GABRR2: variants seen among roughly 807,000 people sequenced by gnomAD.
The protein encoded by GABRR2 is gamma-aminobutyric acid type A receptor subunit rho2, also known as gamma-aminobutyric acid receptor subunit rho-2.
A neutral mutation model predicts 47.0 loss-of-function variants in GABRR2; 36 were observed. The ratio of observed to expected loss-of-function variants is 0.77; its 90% CI spans 0.59 to 1.01. GABRR2 has a LOEUF of 1.01. Ranked by LOEUF, GABRR2 falls within the 50% of genes least tolerant of loss-of-function variation. The pLI is 0.00. For synonymous variants in GABRR2, 204 were observed against 227.5 expected, an observed-to-expected ratio of 0.90 and a Z score of 0.93; for missense variants, 587 against 594.6, an observed-to-expected ratio of 0.99 and a Z score of 0.13.
chr6:89,301,964 C>A, intron 1 of GABRR2: 1 of 867,878 alleles, frequency 1.2e-6, no homozygotes, highest in Non-Finnish European at 1.9e-6. Context: ...AAGTATGTGC[C>A]TCGGGCCATT....
intron 1 of GABRR2, chr6:89,302,838 C>T (rs112180779): frequency 0.03 from 41,193 of 1,376,318 alleles, 780 homozygotes; most frequent in Non-Finnish European, 0.036. Context: ...CATCCCACCC[C>T]CCAGCCTCAA....
intron 2 of GABRR2, among the ~76,000 whole-genome samples, chr6:89,277,869 G>C: frequency 4.4e-5 from 1 of 22,926 alleles, no homozygotes; most frequent in Admixed American, 3.7e-4. Flanking sequence ...GGGCGGGGGT[G>C]GGGGGGGGTG....
intron 2 of GABRR2, among the ~76,000 whole-genome samples, chr6:89,289,980 G>A (rs1437551309): frequency 6.6e-6 from 1 of 152,108 alleles, no homozygotes; most frequent in Admixed American, 6.5e-5. Context: ...GGGACTCTTT[G>A]ATTCCTGAGA....
Position 89,257,913 on chromosome 6 carries a change from C to A in GABRR2, c.1155G>T (p.Glu385Asp). ...MMLDGSYSES[E>D]ANSLAGYPRS... The stretch of plus-strand genomic sequence containing the variant: ...TGGGGTACCCAGCCAGGCTGTTGGC[C>A]TCAGACTCACTGTAGCTTCCATCCA... The change falls in exon 9 of 9, where the codon GAG (glutamate) becomes GAT (aspartate). Residue 385 changes from glutamate (E) to aspartate (D), a missense_variant. Physicochemically the swap from Glu to Asp is conservative, Grantham distance 45. Transcript: ENST00000402938. 1 of 1,614,016 alleles carries A rather than the reference C, an allele frequency of 6.2e-7. No individual in the cohort carries two copies. Among genetic ancestry groups the A allele is most frequent in the Non-Finnish European group, 8.5e-7 (1 of 1,179,878 alleles).
chr6:89,299,716 T>C (rs758465099), intron 2 of GABRR2, 43 bp downstream of exon 2: 8 of 1,387,438 alleles, frequency 5.8e-6, no homozygotes, highest in Non-Finnish European at 8.2e-6. Context: ...ATCACATCCC[T>C]GGGGCCAACC....
At chr6:89,305,762 A>G (rs1307906811) in intron 1 of GABRR2, among the ~76,000 whole-genome samples, 1 of 152,182 alleles carries the variant, frequency 6.6e-6, no homozygotes, top group South Asian at 2.1e-4. Context: ...ACACATGGAC[A>G]CAAAGAGGGG....
At chr6:89,279,140 C>G (rs1774216294) in intron 2 of GABRR2, among the ~76,000 whole-genome samples, 1 of 152,240 alleles carries the variant, frequency 6.6e-6, no homozygotes. Context: ...GGAGCCGTCT[C>G]TCTGTCCCTC....
rs148109586 is a variant in GABRR2 at position 89,287,510 on chromosome 6, G to A, written c.220+12249C>T. On this transcript the variant is annotated intron_variant, in intron 2 of 8. Transcript: ENST00000402938. ...GGGCCCGTGTCTTTGTCATGTCTGC[G>A]TCTGGAGCCTTTGCAGTGCTGCATG... Among the ~76,000 whole-genome samples the A allele has an allele frequency of 1.6e-3, 241 of 152,348 alleles. 1 individual carries two copies. Among genetic ancestry groups the A allele is most frequent in the African/African-American group, 5.5e-3 (228 of 41,590 alleles).
intron 8 of GABRR2, among the ~76,000 whole-genome samples, chr6:89,260,649 G>T (rs1773724619): frequency 6.6e-6 from 1 of 152,176 alleles, no homozygotes; most frequent in South Asian, 2.1e-4. Context: ...GTGAGCATCA[G>T]AATCACCTGG....
At chr6:89,302,722 G>C in intron 1 of GABRR2, 1 of 1,381,652 alleles carries the variant, frequency 7.2e-7, no homozygotes, top group South Asian at 1.1e-5. Context: ...TTCCGGGGCT[G>C]CCTGTCCATG....
intron 2 of GABRR2, among the ~76,000 whole-genome samples, chr6:89,287,619 C>T (rs1316925565): frequency 6.6e-6 from 1 of 152,186 alleles, no homozygotes; most frequent in East Asian, 1.9e-4. Context: ...CATCTGAGTC[C>T]ATCCTCACAA....
In GABRR2 at chr6:89,264,677, C is replaced by T. The variant is rs1049185071; in HGVS notation, c.890-69G>A. On this transcript the variant is annotated intron_variant, in intron 7 of 8. Transcript: ENST00000402938. ...ACTGCCCTCATATCTCACTAAGTCACGATTTTACACTCTCTATCTCTTAAA... is the reference window on the plus strand; with the variant it reads ...ACTGCCCTCATATCTCACTAAGTCATGATTTTACACTCTCTATCTCTTAAA... 152 of 1,547,400 alleles carry T rather than the reference C, an allele frequency of 9.8e-5. 1 individual carries two copies. The South Asian group carries it at 1.1e-3, about 11-fold the overall frequency.
intron 2 of GABRR2, among the ~76,000 whole-genome samples, chr6:89,293,826 A>G (rs1774509857): frequency 6.6e-6 from 1 of 152,172 alleles, no homozygotes; most frequent in Non-Finnish European, 1.5e-5. Context: ...GCATTGCAGC[A>G]TTTCTCCCAA....
intron 2 of GABRR2, among the ~76,000 whole-genome samples, chr6:89,298,383 A>G (rs1048339988): frequency 6.6e-6 from 1 of 152,192 alleles, no homozygotes. Flanking sequence ...GGTTTTACAT[A>G]CATTATCTTG....
At chr6:89,304,288 G>A (rs896557117) in intron 1 of GABRR2, among the ~76,000 whole-genome samples, 9 of 152,170 alleles carry the variant, frequency 5.9e-5, no homozygotes, top group African/African-American at 2.2e-4. Flanking sequence ...GGCAAAAAGT[G>A]GGCACAGTGG....
chr6:89,284,476 AC>A (rs762221225), intron 2 of GABRR2, among the ~76,000 whole-genome samples: 2 of 152,192 alleles, frequency 1.3e-5, no homozygotes, highest in Non-Finnish European at 2.9e-5. Flanking sequence ...AGCCTGAAGT[AC>A]CCAGGTGGGC....
intron 2 of GABRR2, among the ~76,000 whole-genome samples, chr6:89,293,970 A>C (rs188443696): frequency 2.0e-5 from 3 of 152,172 alleles, no homozygotes; most frequent in Admixed American, 6.5e-5. Context: ...ACAGATTTTT[A>C]ATCTTTTCTC....
intron 1 of GABRR2, among the ~76,000 whole-genome samples, chr6:89,309,332 A>G (rs1222516271): frequency 6.6e-6 from 1 of 152,062 alleles, no homozygotes; most frequent in Non-Finnish European, 1.5e-5. Context: ...CCCTTCTTAC[A>G]GAGTCCTTTG....
intron 1 of GABRR2, among the ~76,000 whole-genome samples, chr6:89,313,482 T>G (rs1042179936): frequency 2.0e-5 from 3 of 152,186 alleles, no homozygotes; most frequent in Non-Finnish European, 2.9e-5. Context: ...TCAGGGGACT[T>G]GCTGGGCCGA....
Sources: allele counts gnomAD v4.1 joint callset (sites outside exome capture counted in the v4.1 genomes callset), GRCh38; gene constraint gnomAD v4.1.1; transcripts MANE v1.5; gene names NCBI Gene and HGNC (gene_info 2026-07-23, HGNC 2026-07-21).